Variants in OBI1 observed in about 807,000 individuals in gnomAD.
OBI1 encodes ORC ubiquitin ligase 1.
OBI1 carries 59 observed loss-of-function variants against 62.4 expected under a neutral mutation model. That is an observed-to-expected ratio of 0.95 (90% CI 0.77 to 1.17). The LOEUF (loss-of-function observed/expected upper bound fraction) is 1.17, where lower values mean the gene tolerates loss of function less well. Among genes scored for constraint, OBI1 ranks in the 50% most tolerant of loss-of-function variants. The pLI, the probability that OBI1 is intolerant of heterozygous loss-of-function variation, is 0.00. For synonymous variants in OBI1, 302 were observed against 292.8 expected, an observed-to-expected ratio of 1.03 and a Z score of -0.32; for missense variants, 875 against 830.9, an observed-to-expected ratio of 1.05 and a Z score of -0.65.
At chr13:78,640,847 C>T (rs577918124) in intron 3 of OBI1, among the ~76,000 whole-genome samples, 155 of 152,238 alleles carry the variant, frequency 1.0e-3, no homozygotes, top group Non-Finnish European at 1.8e-3. Flanking sequence ...TATACTTTCA[C>T]TTCTATATTT....
intron 1 of OBI1, among the ~76,000 whole-genome samples, chr13:78,652,622 T>A (rs1217744185): frequency 6.6e-6 from 1 of 152,130 alleles, no homozygotes; most frequent in Non-Finnish European, 1.5e-5. Flanking sequence ...ACTGGTTTCG[T>A]GGAAGATAAT....
intron 4 of OBI1, among the ~76,000 whole-genome samples, chr13:78,637,813 A>G (rs1876074282): frequency 6.6e-6 from 1 of 152,004 alleles, no homozygotes; most frequent in African/African-American, 2.4e-5. Flanking sequence ...TCTTCTCCTC[A>G]CCCTGGCCTT....
At chr13:78,653,716 T>C (rs1876613491) in intron 1 of OBI1, among the ~76,000 whole-genome samples, 2 of 152,156 alleles carry the variant, frequency 1.3e-5, no homozygotes, top group Admixed American at 1.3e-4. Flanking sequence ...GGTCTTGCAA[T>C]TATATCTATT....
chr13:78,639,094 T>G, intron 3 of OBI1, 23 bp from the exon 4 acceptor site: 1 of 1,606,096 alleles, frequency 6.2e-7, no homozygotes. Context: ...TGCATAGTCA[T>G]GAGGCAGGCA....
chr13:78,651,201 C>A (rs994545987), intron 1 of OBI1, among the ~76,000 whole-genome samples: 2 of 152,162 alleles, frequency 1.3e-5, no homozygotes, highest in South Asian at 2.1e-4. Context: ...TGCATCTTCA[C>A]CCCAATGAAT....
At chr13:78,627,594 A>G (rs1875713670) in intron 5 of OBI1, among the ~76,000 whole-genome samples, 1 of 152,214 alleles carries the variant, frequency 6.6e-6, no homozygotes, top group Non-Finnish European at 1.5e-5. Flanking sequence ...TGTTCCTCCA[A>G]AGGACATGAT....
chr13:78,632,724 T>A (rs1003733651), intron 5 of OBI1, among the ~76,000 whole-genome samples: 1 of 152,154 alleles, frequency 6.6e-6, no homozygotes, highest in Non-Finnish European at 1.5e-5. Flanking sequence ...GTGGTCAGCT[T>A]CTCTCTGAAT....
At chr13:78,633,990 C>A (rs1875936941) in intron 5 of OBI1, among the ~76,000 whole-genome samples, 2 of 151,574 alleles carry the variant, frequency 1.3e-5, no homozygotes, top group Admixed American at 1.3e-4. Context: ...TGGCGTAAAC[C>A]CCGGGGGGCG....
At chr13:78,657,181 A>T (rs1441822797) in intron 1 of OBI1, among the ~76,000 whole-genome samples, 1 of 152,100 alleles carries the variant, frequency 6.6e-6, no homozygotes, top group Non-Finnish European at 1.5e-5. Context: ...TAAATGAAGC[A>T]TGTGCAAAGT....
At chr13:78,645,060 T>C (rs1876341580) in intron 1 of OBI1, 63 bp from the exon 2 acceptor site, 1 of 1,480,602 alleles carries the variant, frequency 6.8e-7, no homozygotes, top group Non-Finnish European at 9.2e-7. Flanking sequence ...TCAAATGGTT[T>C]AGTTTACAGC....
intron 5 of OBI1, among the ~76,000 whole-genome samples, chr13:78,619,909 A>T (rs1875454084): frequency 6.6e-6 from 1 of 152,186 alleles, no homozygotes; most frequent in Admixed American, 6.5e-5. Context: ...TTCTTTTTAC[A>T]TGTTAAGTAT....
rs746182309 is a variant in OBI1, at chr13:78,616,706, A to G, written c.1055T>C (p.Met352Thr). Reference sequence around the variant, plus strand: ...CATACTTGTATCTGTCACATCTAACATTACTTCTACCTGTTCTTGATATAG... The same window carrying G: ...CATACTTGTATCTGTCACATCTAACGTTACTTCTACCTGTTCTTGATATAG... ...KDLYQEQVEVMLDVTDTSMDT... is the reference protein window; with the variant it reads ...KDLYQEQVEVTLDVTDTSMDT... The change falls in exon 6 of 6, where the codon ATG becomes ACG. Residue 352 changes from methionine to threonine, a missense_variant. Transcript: ENST00000282003. 1 of 1,614,186 alleles carries G rather than the reference A, an allele frequency of 6.2e-7. No individual in the cohort carries two copies. Among genetic ancestry groups the G allele is most frequent in the African/African-American group, 1.3e-5 (1 of 75,032 alleles).
At chr13:78,642,454 A>G (rs1876248188) in intron 2 of OBI1, among the ~76,000 whole-genome samples, 1 of 152,204 alleles carries the variant, frequency 6.6e-6, no homozygotes, top group Non-Finnish European at 1.5e-5. Flanking sequence ...ACATATCTAC[A>G]TATCTTATCA....
intron 1 of OBI1, among the ~76,000 whole-genome samples, chr13:78,652,370 T>C (rs1186155415): frequency 6.7e-6 from 1 of 149,972 alleles, no homozygotes; most frequent in Non-Finnish European, 1.5e-5. Context: ...AACACACACA[T>C]AATTTTCTTT....
At chr13:78,650,890 A>G (rs1876523747) in intron 1 of OBI1, among the ~76,000 whole-genome samples, 1 of 152,130 alleles carries the variant, frequency 6.6e-6, no homozygotes, top group African/African-American at 2.4e-5. Context: ...AGTTAATGAG[A>G]TCACTACTTC....
chr13:78,657,404 G>C (rs1049581933), intron 1 of OBI1, among the ~76,000 whole-genome samples: 5 of 152,058 alleles, frequency 3.3e-5, no homozygotes, highest in African/African-American at 9.7e-5. Flanking sequence ...AAGACTCAAA[G>C]TCTTAGTATT....
chr13:78,652,954 C>G (rs1346887633), intron 1 of OBI1, among the ~76,000 whole-genome samples: 1 of 152,074 alleles, frequency 6.6e-6, no homozygotes, highest in Non-Finnish European at 1.5e-5. Flanking sequence ...CCTGAGGGGG[C>G]AGTTCTTGGG....
intron 5 of OBI1, 90 bp downstream of exon 5, chr13:78,635,020 G>T: frequency 1.4e-6 from 1 of 693,752 alleles, no homozygotes; most frequent in Non-Finnish European, 2.4e-6. Flanking sequence ...ATGATTAAAT[G>T]AAGAGTCAAA....
intron 1 of OBI1, among the ~76,000 whole-genome samples, chr13:78,658,693 C>T (rs1876786290): frequency 6.6e-6 from 1 of 152,174 alleles, no homozygotes; most frequent in African/African-American, 2.4e-5. Context: ...CTACACGCCA[C>T]GCGAGGCTGC....
Sources: gnomAD v4.1 joint callset for allele counts (sites outside exome capture counted in the v4.1 genomes callset) on GRCh38, gnomAD v4.1.1 for gene constraint, MANE v1.5 for transcripts, NCBI Gene and HGNC (gene_info 2026-07-23, HGNC 2026-07-21) for gene names.